The following RUNDC3B variants were observed in gnomAD, a reference collection of about 807,000 sequenced individuals.
The protein encoded by RUNDC3B is RUN domain-containing protein 3B.
RUNDC3B carries 33 observed loss-of-function variants against 58.4 expected under a neutral mutation model. That is an observed-to-expected ratio of 0.56 (90% CI 0.43 to 0.75). The LOEUF (loss-of-function observed/expected upper bound fraction) is 0.75. RUNDC3B is among the 30% of genes least tolerant of loss of function. The pLI is 0.00. For synonymous variants in RUNDC3B, 193 were observed against 195.2 expected (o/e 0.99, Z 0.10); for missense variants, 501 against 535.7 (o/e 0.94, Z 0.64).
intron 8 of RUNDC3B, among the ~76,000 whole-genome samples, chr7:87,794,266 C>T (rs1835686689): frequency 6.6e-6 from 1 of 152,144 alleles, no homozygotes; most frequent in Non-Finnish European, 1.5e-5. Context: ...AAAACCCCAT[C>T]TCTACTAAAA....
intron 10 of RUNDC3B, among the ~76,000 whole-genome samples, chr7:87,818,120 T>G (rs1837178067): frequency 6.6e-6 from 1 of 152,182 alleles, no homozygotes; most frequent in African/African-American, 2.4e-5. Context: ...AAAAGCTAAT[T>G]CATACTATGA....
At position 87,762,879 on chromosome 7, in the gene RUNDC3B, A is replaced by T. The variant is rs111229280; in HGVS notation, c.630-7702A>T. 2.0e-3 allele frequency among the ~76,000 whole-genome samples: 254 copies of T among 124,102 alleles called. 2 individuals carry two copies. The highest frequency in any genetic ancestry group is 7.9e-3 in the Middle Eastern group (2 of 252). The allele number at this position is 124,102 out of a possible 152,430, so 81.4% of individuals were successfully genotyped here. On this transcript the variant is annotated intron_variant, in intron 6 of 10. Transcript: ENST00000394654. ...TTAAAAATGTTACTTAACTGGAATTAAAAAAAAACTACTCCGGCAGGCTTT... is the reference window on the plus strand; with the variant it reads ...TTAAAAATGTTACTTAACTGGAATTTAAAAAAAACTACTCCGGCAGGCTTT...
chr7:87,693,447 G>T (rs879818719), intron 2 of RUNDC3B, among the ~76,000 whole-genome samples: 3 of 152,118 alleles, frequency 2.0e-5, no homozygotes, highest in Non-Finnish European at 4.4e-5. Flanking sequence ...ATTTAAAAAT[G>T]TGTATTTATT....
chr7:87,710,544 A>G (rs904445516), intron 3 of RUNDC3B, 26 bp from the exon 4 acceptor site: 7 of 1,386,918 alleles, frequency 5.0e-6, no homozygotes, highest in Non-Finnish European at 7.0e-6. Context: ...TTTTTTTTAT[A>G]TTTGATTCTT....
At chr7:87,778,178 C>T (rs1834744381) in intron 8 of RUNDC3B, among the ~76,000 whole-genome samples, 2 of 152,130 alleles carry the variant, frequency 1.3e-5, no homozygotes, top group African/African-American at 4.8e-5. Context: ...TGCAGTGGCT[C>T]ATATCTGTAA....
intron 6 of RUNDC3B, among the ~76,000 whole-genome samples, chr7:87,751,095 T>C (rs1475284028): frequency 6.6e-6 from 1 of 152,224 alleles, no homozygotes; most frequent in Non-Finnish European, 1.5e-5. Flanking sequence ...GCTTTCTACA[T>C]ATGGCTAGCC....
In RUNDC3B at chr7:87,684,101, T is replaced by TA. The variant is rs574907890; in HGVS notation, c.239-16312dup. On this transcript the variant is annotated intron_variant, in intron 2 of 10. Transcript: ENST00000394654. ...GACAAAATTCAACTTTAATTCATGT[T>TA]AAAAAAAATCTTTACAGCTAGGTAT... 3.0e-3 allele frequency among the ~76,000 whole-genome samples: 463 copies of TA among 152,168 alleles called. 2 individuals are homozygous for TA. The highest frequency in any genetic ancestry group is 0.011 in the African/African-American group (444 of 41,522).
intron 2 of RUNDC3B, among the ~76,000 whole-genome samples, chr7:87,670,772 G>A (rs1041236722): frequency 4.6e-5 from 7 of 152,178 alleles, no homozygotes; most frequent in African/African-American, 1.4e-4. Context: ...AAGCCTTGGG[G>A]TGTGATCCAG....
chr7:87,648,344 T>C (rs1823236133), intron 1 of RUNDC3B, among the ~76,000 whole-genome samples: 1 of 152,010 alleles, frequency 6.6e-6, no homozygotes, highest in African/African-American at 2.4e-5. Context: ...AGGAACTTAG[T>C]GGAGGCAAAT....
chr7:87,711,923 GA>G (rs1014542150), intron 4 of RUNDC3B, among the ~76,000 whole-genome samples: 3 of 151,996 alleles, frequency 2.0e-5, no homozygotes, highest in Admixed American at 1.3e-4. Flanking sequence ...AGTTTTGATA[GA>G]AAAAAATAAG....
intron 6 of RUNDC3B, among the ~76,000 whole-genome samples, chr7:87,764,973 C>T (rs531689270): frequency 6.6e-6 from 1 of 151,736 alleles, no homozygotes; most frequent in East Asian, 1.9e-4. Context: ...ATTACTGGTT[C>T]ATTTTAATTA....
intron 1 of RUNDC3B, among the ~76,000 whole-genome samples, chr7:87,643,684 C>T (rs1822679508): frequency 6.7e-6 from 1 of 148,884 alleles, no homozygotes; most frequent in Non-Finnish European, 1.5e-5. Flanking sequence ...CCATGCTCAG[C>T]TGATTTTTTT....
chr7:87,820,518 A>G (rs1283222931), intron 10 of RUNDC3B, among the ~76,000 whole-genome samples: 3 of 152,164 alleles, frequency 2.0e-5, no homozygotes, highest in Non-Finnish European at 4.4e-5. Context: ...AAAAGAGAGA[A>G]TCCTCCCTAA....
intron 2 of RUNDC3B, among the ~76,000 whole-genome samples, chr7:87,681,919 A>G (rs1226842101): frequency 1.3e-5 from 2 of 152,178 alleles, no homozygotes; most frequent in Non-Finnish European, 2.9e-5. Flanking sequence ...TCTAGCATGC[A>G]ATGTTATTTG....
intron 2 of RUNDC3B, among the ~76,000 whole-genome samples, chr7:87,692,256 G>T (rs1828082617): frequency 6.6e-6 from 1 of 152,082 alleles, no homozygotes; most frequent in South Asian, 2.1e-4. Flanking sequence ...TTTGAGACCA[G>T]CCTGAGCAAC....
chr7:87,709,418 T>C, intron 3 of RUNDC3B: 16 of 985,316 alleles, frequency 1.6e-5, no homozygotes, highest in Non-Finnish European at 1.9e-5. Flanking sequence ...TCTGTTCCAA[T>C]CAGCTACAGC....
intron 6 of RUNDC3B, among the ~76,000 whole-genome samples, chr7:87,753,213 G>C (rs1227271226): frequency 4.0e-5 from 6 of 150,644 alleles, no homozygotes; most frequent in Non-Finnish European, 7.4e-5. Flanking sequence ...CTGAGTTCTA[G>C]TTTGATTGCA....
chr7:87,673,406 T>C (rs1826022872), intron 2 of RUNDC3B, among the ~76,000 whole-genome samples: 2 of 152,336 alleles, frequency 1.3e-5, no homozygotes, highest in Admixed American at 1.3e-4. Flanking sequence ...CTCAGAGGTT[T>C]TGTTTATTCC....
At chr7:87,789,400 G>A (rs1011666844) in intron 8 of RUNDC3B, among the ~76,000 whole-genome samples, 3 of 151,914 alleles carry the variant, frequency 2.0e-5, no homozygotes, top group Non-Finnish European at 4.4e-5. Context: ...AGTGTAGTTC[G>A]TAGTGAGTAC....
Sources: allele counts gnomAD v4.1 joint callset (sites outside exome capture counted in the v4.1 genomes callset), GRCh38; gene constraint gnomAD v4.1.1; transcripts MANE v1.5; gene names NCBI Gene and HGNC (gene_info 2026-07-23, HGNC 2026-07-21).